The following ZFHX3 variants were observed in gnomAD, a reference collection of about 807,000 sequenced individuals.
The protein encoded by ZFHX3 is zinc finger homeobox protein 3.
ZFHX3 carries 42 observed loss-of-function variants against 279.1 expected under a neutral mutation model. The ratio of observed to expected loss-of-function variants is 0.15; its 90% CI spans 0.12 to 0.19. The LOEUF (loss-of-function observed/expected upper bound fraction) is 0.19, where lower values mean the gene tolerates loss of function less well. Among genes scored for constraint, ZFHX3 ranks in the 10% least tolerant of loss-of-function variants. ZFHX3 has a pLI of 1.00. For missense variants in ZFHX3, 4,981 were observed against 4,754.0 expected, an observed-to-expected ratio of 1.05 and a Z score of -1.40; for synonymous variants, 2,293 against 1,957.8, an observed-to-expected ratio of 1.17 and a Z score of -4.52.
At chr16:73,113,198 G>C (rs1966397921) in intron 7 of ZFHX3, among the ~76,000 whole-genome samples, 1 of 152,130 alleles carries the variant, frequency 6.6e-6, no homozygotes, top group African/African-American at 2.4e-5. Flanking sequence ...CCTGGAGAAA[G>C]AGAGTGGGAG....
At chr16:73,136,215 C>G (rs1042855869) in intron 6 of ZFHX3, among the ~76,000 whole-genome samples, 2 of 152,140 alleles carry the variant, frequency 1.3e-5, no homozygotes, top group Admixed American at 6.5e-5. Context: ...CCTTTCCTTT[C>G]CTTTTTCTTG....
intron 1 of ZFHX3, among the ~76,000 whole-genome samples, chr16:73,867,949 A>C (rs1056704062): frequency 5.3e-5 from 8 of 152,252 alleles, no homozygotes; most frequent in Admixed American, 2.0e-4. Flanking sequence ...CAGAGCAGCA[A>C]TGAGGGCCGG....
At chr16:73,377,688 G>GTTT (rs113912311) in intron 3 of ZFHX3, among the ~76,000 whole-genome samples, 91 of 148,028 alleles carry the variant, frequency 6.1e-4, no homozygotes, top group South Asian at 3.2e-3. Flanking sequence ...ACTCCTTTGT[G>GTTT]TTTTTTTTTT....
At chr16:72,875,574 G>A (rs558289870) in intron 4 of ZFHX3, among the ~76,000 whole-genome samples, 101 of 152,350 alleles carry the variant, frequency 6.6e-4, no homozygotes, top group African/African-American at 2.4e-3. Flanking sequence ...TTCACTAGAA[G>A]AGCTGCTTCT....
intron 4 of ZFHX3, among the ~76,000 whole-genome samples, chr16:72,885,488 G>C (rs1320438282): frequency 3.9e-5 from 6 of 152,240 alleles, no homozygotes; most frequent in Admixed American, 3.9e-4. Flanking sequence ...GCTACATGAT[G>C]AACTGGACCG....
chr16:73,665,867 G>T (rs1052560834), intron 2 of ZFHX3, among the ~76,000 whole-genome samples: 2 of 133,180 alleles, frequency 1.5e-5, no homozygotes, highest in African/African-American at 5.9e-5. Context: ...CCCAGGTGGA[G>T]TCTCACTCTG....
intron 3 of ZFHX3, among the ~76,000 whole-genome samples, chr16:73,435,464 C>T (rs1249706311): frequency 6.6e-6 from 1 of 152,148 alleles, no homozygotes; most frequent in South Asian, 2.1e-4. Context: ...CCTGCCTCGG[C>T]CTCCCAAAGT....
At chr16:73,363,286 T>C (rs1381552049) in intron 3 of ZFHX3, among the ~76,000 whole-genome samples, 1 of 152,260 alleles carries the variant, frequency 6.6e-6, no homozygotes, top group Admixed American at 6.5e-5. Context: ...TAAATGATTG[T>C]TGTTTCAAAA....
intron 4 of ZFHX3, among the ~76,000 whole-genome samples, chr16:73,315,346 T>C (rs1486250150): frequency 6.6e-6 from 1 of 152,212 alleles, no homozygotes; most frequent in Non-Finnish European, 1.5e-5. Flanking sequence ...TTTCAAAGTT[T>C]TGAAGCCTTG....
intron 1 of ZFHX3, among the ~76,000 whole-genome samples, chr16:73,870,537 C>T (rs1452491714): frequency 6.6e-6 from 1 of 151,352 alleles, no homozygotes; most frequent in African/African-American, 2.5e-5. Flanking sequence ...TGAGGAATAG[C>T]CAGACAAGTG....
intron 2 of ZFHX3, among the ~76,000 whole-genome samples, chr16:73,572,365 T>G (rs748276964): frequency 3.7e-4 from 56 of 152,310 alleles, no homozygotes; most frequent in Non-Finnish European, 6.0e-4. Context: ...CCTGGCCATC[T>G]GCCAAAGAAT....
chr16:73,181,079 T>G (rs1967781691), intron 5 of ZFHX3, among the ~76,000 whole-genome samples: 1 of 107,390 alleles, frequency 9.3e-6, no homozygotes, highest in African/African-American at 4.5e-5. Context: ...GTTTTTTTGT[T>G]TGTTTGTTTT....
intron 5 of ZFHX3, among the ~76,000 whole-genome samples, chr16:73,216,511 A>C (rs2012214538): frequency 6.6e-6 from 1 of 152,234 alleles, no homozygotes; most frequent in African/African-American, 2.4e-5. Context: ...GTCAAGAGTC[A>C]ACTCATTCAT....
At chr16:73,014,773 A>G (rs528622390) in intron 1 of ZFHX3, among the ~76,000 whole-genome samples, 2 of 152,052 alleles carry the variant, frequency 1.3e-5, no homozygotes, top group African/African-American at 4.8e-5. Context: ...CGGCCTCCCA[A>G]AGTGCTGGGA....
chr16:73,019,232 G>A (rs1258961648), intron 1 of ZFHX3, among the ~76,000 whole-genome samples: 1 of 152,188 alleles, frequency 6.6e-6, no homozygotes, highest in Non-Finnish European at 1.5e-5. Context: ...GCCAGTGGAC[G>A]TGAGCCTCAC....
chr16:73,248,641 A>ATG (rs1346342752), intron 5 of ZFHX3, among the ~76,000 whole-genome samples: 2,775 of 110,320 alleles, frequency 0.025, 91 homozygotes, highest in African/African-American at 0.096. Flanking sequence ...TATGTGGAGA[A>ATG]TGTATGTGTG....
intron 7 of ZFHX3, among the ~76,000 whole-genome samples, chr16:73,116,028 G>C (rs1251429495): frequency 1.8e-4 from 27 of 152,090 alleles, no homozygotes; most frequent in Non-Finnish European, 4.4e-5. Flanking sequence ...GCTGAGGCAG[G>C]GGAATCACTT....
rs1415144069 is a variant in ZFHX3, at chr16:72,785,988, A to AAAAT, written c.*1172_*1175dup. 1 of 152,202 alleles carries AAAAT rather than the reference A, an allele frequency of 6.6e-6. No homozygotes were observed. The highest frequency in any genetic ancestry group is 1.5e-5 in the Non-Finnish European group (1 of 68,034). 9.4% of individuals were successfully genotyped at this position (152,202 alleles called of 1,614,324 possible). ...CTTGAAATTCTTTCTTTAGTTTTAT[A>AAAAT]AAATAATTCTGCAGCTCCCTCTAAG... On this transcript the variant is annotated 3_prime_UTR_variant, in exon 10 of 10. Coordinates refer to ENST00000268489, the MANE Select transcript of ZFHX3 (RefSeq NM_006885.4).
intron 8 of ZFHX3, among the ~76,000 whole-genome samples, chr16:73,087,740 G>C (rs1254346543): frequency 6.6e-6 from 1 of 152,096 alleles, no homozygotes; most frequent in Admixed American, 6.6e-5. Context: ...AATACATTTT[G>C]AGATTTAATG....
Sources: gnomAD v4.1 joint callset for allele counts (sites outside exome capture counted in the v4.1 genomes callset) on GRCh38, gnomAD v4.1.1 for gene constraint, MANE v1.5 for transcripts, NCBI Gene and HGNC (gene_info 2026-07-23, HGNC 2026-07-21) for gene names.